Variants in PCDHGC3 observed in about 807,000 individuals in gnomAD.
PCDHGC3 encodes protocadherin gamma-C3.
In PCDHGC3, 26 loss-of-function variants were observed where a neutral mutation model predicts 59.2. That is an observed-to-expected ratio of 0.44 (90% CI 0.32 to 0.61). The LOEUF (loss-of-function observed/expected upper bound fraction) is 0.61, where lower values mean the gene tolerates loss of function less well. Ranked by LOEUF, PCDHGC3 falls within the 20% of genes least tolerant of loss-of-function variation. The pLI, the probability that PCDHGC3 is intolerant of heterozygous loss-of-function variation, is 0.05. For synonymous variants in PCDHGC3, 487 were observed against 519.7 expected (o/e 0.94, Z 0.86); for missense variants, 1,080 against 1,221.8 (o/e 0.88, Z 1.73).
At chr5:141,498,973 GA>G (rs1161965842) in intron 2 of PCDHGC3, among the ~76,000 whole-genome samples, 8 of 11,660 alleles carry the variant, frequency 6.9e-4, no homozygotes, top group Admixed American at 4.8e-3. Flanking sequence ...GGGAGGGAGG[GA>G]AGGAAGGAAG....
rs1308930168 is a variant in PCDHGC3, at chr5:141,489,620, A to G, written c.2431-5187A>G. 2.5e-6 allele frequency: 4 copies of G among 1,614,058 alleles called. No individual in the cohort carries two copies. Among genetic ancestry groups the G allele is most frequent in the South Asian group, 2.2e-5 (2 of 91,072 alleles). The stretch of plus-strand genomic sequence containing the variant: ...GTAGAGGTAGAGATCCTGGATCTCA[A>G]TGACAACTCTCCTAGCTTTGCCACC... On this transcript the variant is annotated intron_variant, in intron 1 of 3. Transcript: ENST00000308177. This position sits in a 1 kb window ranked among gnomAD's most constrained non-coding sequence, Gnocchi z 4.5.
Position 141,489,992 on chromosome 5 carries a change from TC to T in PCDHGC3, c.2431-4812del. The T allele has an allele frequency of 6.2e-7, 1 of 1,614,216 alleles. No individual in the cohort carries two copies. The highest frequency in any genetic ancestry group is 8.5e-7 in the Non-Finnish European group (1 of 1,180,016). On this transcript the variant is annotated intron_variant, in intron 1 of 3. Coordinates refer to ENST00000308177, the MANE Select transcript of PCDHGC3 (RefSeq NM_002588.4). The surrounding 1 kb of genome is among the most constrained non-coding windows in gnomAD (Gnocchi z 4.5). The stretch of plus-strand genomic sequence containing the variant: ...CAATCCTCAGTTCTACGTGTGGGAA[TC>T]CCAGAGAATGCACCCATTGGTACTC...
At chr5:141,502,724 C>T (rs1288841230) in intron 2 of PCDHGC3, among the ~76,000 whole-genome samples, 2 of 152,134 alleles carry the variant, frequency 1.3e-5, no homozygotes, top group African/African-American at 4.8e-5. Context: ...GATTACAAAG[C>T]GGTGATGTTC....
chr5:141,480,112 C>T (rs531082602), intron 1 of PCDHGC3, among the ~76,000 whole-genome samples: 2 of 152,190 alleles, frequency 1.3e-5, no homozygotes, highest in Admixed American at 1.3e-4. Flanking sequence ...TAGCATGGTG[C>T]CTGGCATATC....
intron 3 of PCDHGC3, among the ~76,000 whole-genome samples, chr5:141,508,649 C>T (rs1303066200): frequency 6.6e-6 from 1 of 152,126 alleles, no homozygotes; most frequent in Non-Finnish European, 1.5e-5. Flanking sequence ...CCGTCAGGCC[C>T]TTCCTGTCAT....
rs1369501221 is a variant in PCDHGC3 at position 141,493,257 on chromosome 5, A to G, written c.2431-1550A>G. On this transcript the variant is annotated intron_variant, in intron 1 of 3. Coordinates refer to ENST00000308177, the MANE Select transcript of PCDHGC3 (RefSeq NM_002588.4). The surrounding 1 kb of genome is among the most constrained non-coding windows in gnomAD (Gnocchi z 4.3). ...GGCTAGGTACTAACATGCCTCTCTT[A>G]TAACAGCTTCACAGAGGTCAAGTGA... Among the ~76,000 whole-genome samples the G allele has an allele frequency of 6.6e-6, 1 of 152,190 alleles. No individual in the cohort carries two copies. Among genetic ancestry groups the G allele is most frequent in the South Asian group, 2.1e-4 (1 of 4,830 alleles).
intron 1 of PCDHGC3, among the ~76,000 whole-genome samples, chr5:141,481,695 T>A (rs2099542216): frequency 1.3e-5 from 2 of 152,122 alleles, no homozygotes; most frequent in Non-Finnish European, 2.9e-5. Context: ...GGCTCACGCC[T>A]GTAATCCCAG....
chr5:141,489,040 C>G lies in PCDHGC3; in HGVS notation c.2431-5767C>G. On this transcript the variant is annotated intron_variant, in intron 1 of 3. Coordinates refer to ENST00000308177, the MANE Select transcript of PCDHGC3 (RefSeq NM_002588.4). This position sits in a 1 kb window ranked among gnomAD's most constrained non-coding sequence, Gnocchi z 4.5. ...CCTCTCCTCCTCCAGCTCCCCAGCT[C>G]CACTCAAATTCAGCTCCCCTCCCCC... 1 of 479,752 alleles carries G rather than the reference C, an allele frequency of 2.1e-6. No homozygotes were observed. The highest frequency in any genetic ancestry group is 3.6e-6 in the Non-Finnish European group (1 of 274,204). 29.7% of individuals were successfully genotyped at this position (479,752 alleles called of 1,614,324 possible). A position where few individuals can be genotyped will look rare whatever the true frequency, so the allele number is the denominator to read the frequency against.
chr5:141,508,507 TGGTCCAGCCCAACCTCAG>T (rs1377043623), intron 3 of PCDHGC3, among the ~76,000 whole-genome samples: 1 of 152,178 alleles, frequency 6.6e-6, no homozygotes, highest in Non-Finnish European at 1.5e-5. Flanking sequence ...CTCTCCCTCC[TGGTCCAGCCCAACCTCAG>T]GGCACCCCCC....
At chr5:141,506,962 G>A (rs2099857578) in intron 3 of PCDHGC3, 1 of 152,196 alleles carries the variant, frequency 6.6e-6, no homozygotes, top group Non-Finnish European at 1.5e-5. Context: ...CCTCTCAATA[G>A]CTCTGCAAGG....
chr5:141,486,688 C>G lies in PCDHGC3; in HGVS notation c.2431-8119C>G, dbSNP rs748605515. On this transcript the variant is annotated intron_variant, in intron 1 of 3. Coordinates refer to ENST00000308177, the MANE Select transcript of PCDHGC3 (RefSeq NM_002588.4). This position sits in a 1 kb window ranked among gnomAD's most constrained non-coding sequence, Gnocchi z 5.0. ...CCAGGAATCGAGATGTATCAGCTTCCTCTTTCATCTCTCTGAACCCCCAGA... is the reference window on the plus strand; with the variant it reads ...CCAGGAATCGAGATGTATCAGCTTCGTCTTTCATCTCTCTGAACCCCCAGA... The G allele has an allele frequency of 1.2e-6, 2 of 1,614,170 alleles. No homozygotes were observed. The highest frequency in any genetic ancestry group is 8.5e-7 in the Non-Finnish European group (1 of 1,180,044).
At position 141,486,622 on chromosome 5, in the gene PCDHGC3, C is replaced by T. The variant is rs1320329216; in HGVS notation, c.2430+8076C>T. On this transcript the variant is annotated intron_variant, in intron 1 of 3. Coordinates refer to ENST00000308177, the MANE Select transcript of PCDHGC3 (RefSeq NM_002588.4). The surrounding 1 kb of genome is among the most constrained non-coding windows in gnomAD (Gnocchi z 5.0). ...GCTCCCTTGCAGCCTCTGACCCAGACTCTGGCTTGAATGCGCTTATCTCCT... is the reference window on the plus strand; with the variant it reads ...GCTCCCTTGCAGCCTCTGACCCAGATTCTGGCTTGAATGCGCTTATCTCCT... 6.2e-7 allele frequency: 1 copy of T among 1,613,574 alleles called. No individual in the cohort carries two copies. The highest frequency in any genetic ancestry group is 8.5e-7 in the Non-Finnish European group (1 of 1,180,042).
Position 141,476,374 on chromosome 5 carries a change from G to A in PCDHGC3, c.258G>A (p.Met86Ile). 1.2e-6 allele frequency: 2 copies of A among 1,614,178 alleles called. No individual in the cohort carries two copies. Among genetic ancestry groups the A allele is most frequent in the Non-Finnish European group, 1.7e-6 (2 of 1,180,044 alleles). The change falls in exon 1 of 4, where the codon ATG becomes ATA. Residue 86 changes from methionine (M) to isoleucine (I), a missense_variant. Met to Ile is a conservative substitution (Grantham distance 10, BLOSUM62 1). Transcript: ENST00000308177. This position sits in a 1 kb window ranked among gnomAD's most constrained non-coding sequence, Gnocchi z 7.6. ...AGGTGAACCGGGAGACCGGAGAGATGTTTGTGAACGACCGTCTGGATCGAG... is the reference window on the plus strand; with the variant it reads ...AGGTGAACCGGGAGACCGGAGAGATATTTGTGAACGACCGTCTGGATCGAG... ...FFEVNRETGEMFVNDRLDREE... is the reference protein window; with the variant it reads ...FFEVNRETGEIFVNDRLDREE...
In PCDHGC3 at chr5:141,489,594, TGTAGAG is replaced by T. The variant is rs1298302866; in HGVS notation, c.2431-5206_2431-5201del. 1 of 1,613,958 alleles carries T rather than the reference TGTAGAG, an allele frequency of 6.2e-7. No homozygotes were observed. The highest frequency in any genetic ancestry group is 1.3e-5 in the African/African-American group (1 of 74,906). ...CTGAACACCCCCTGGAGCTAATCCG[TGTAGAG>T]GTAGAGATCCTGGATCTCAATGACA... On this transcript the variant is annotated intron_variant, in intron 1 of 3. Coordinates refer to ENST00000308177, the MANE Select transcript of PCDHGC3 (RefSeq NM_002588.4). The surrounding 1 kb of genome is among the most constrained non-coding windows in gnomAD (Gnocchi z 4.5).
Position 141,476,437 on chromosome 5 carries a change from TCTGGAGTTGGTAGTGGAGAACCC to T in PCDHGC3, c.322_344del (p.Leu108AlafsTer30). ...GGACACTGCCCTCTTGCACTGTAAC[TCTGGAGTTGGTAGTGGAGAACCC>T]GCTGGAGCTGTTCAGCGTGGAAGTG... On this transcript the variant is annotated frameshift_variant, in exon 1 of 4. Transcript: ENST00000308177. LOFTEE classifies it high-confidence loss of function. The surrounding 1 kb of genome is among the most constrained non-coding windows in gnomAD (Gnocchi z 7.6). 1 of 1,614,004 alleles carries T rather than the reference TCTGGAGTTGGTAGTGGAGAACCC, an allele frequency of 6.2e-7. No individual in the cohort carries two copies. The highest frequency in any genetic ancestry group is 2.2e-5 in the East Asian group (1 of 44,836).
chr5:141,483,501 G>T (rs1022338958), intron 1 of PCDHGC3, among the ~76,000 whole-genome samples: 1 of 150,394 alleles, frequency 6.6e-6, no homozygotes, highest in Non-Finnish European at 1.5e-5. Flanking sequence ...ATGAGTCAAG[G>T]CTGATCCCCC....
rs759809060 is a variant in PCDHGC3, at chr5:141,476,317, G to A, written c.201G>A (p.Arg67=). 1.2e-6 allele frequency: 2 copies of A among 1,614,170 alleles called. No individual in the cohort carries two copies. Among genetic ancestry groups the A allele is most frequent in the South Asian group, 2.2e-5 (2 of 91,078 alleles). The change falls in exon 1 of 4, where the codon CGG becomes CGA. Residue 67 remains arginine, a synonymous_variant. Coordinates refer to ENST00000308177, the MANE Select transcript of PCDHGC3 (RefSeq NM_002588.4). This position sits in a 1 kb window ranked among gnomAD's most constrained non-coding sequence, Gnocchi z 7.6. Reference sequence around the variant, plus strand: ...GTAGCCTCTCAGCCCGCAGGTTCCGGGTGGTGTCTGGAGCTAGCCGAAGAT... The same window carrying A: ...GTAGCCTCTCAGCCCGCAGGTTCCGAGTGGTGTCTGGAGCTAGCCGAAGAT... ...DLGSLSARRF[R]VVSGASRRFF... is the part of the protein sequence containing the mutation.
At chr5:141,506,191 C>T (rs932500250) in intron 3 of PCDHGC3, among the ~76,000 whole-genome samples, 8 of 152,182 alleles carry the variant, frequency 5.3e-5, no homozygotes, top group African/African-American at 1.9e-4. Flanking sequence ...TGGCTCACGC[C>T]TGTAATCCCA....
chr5:141,494,449 G>A (rs185095384), intron 1 of PCDHGC3, among the ~76,000 whole-genome samples: 2 of 152,254 alleles, frequency 1.3e-5, no homozygotes, highest in East Asian at 3.9e-4. Flanking sequence ...CACTTTAGGG[G>A]GCTTTGTCTG....
Sources: allele counts gnomAD v4.1 joint callset (sites outside exome capture counted in the v4.1 genomes callset), GRCh38; gene constraint gnomAD v4.1.1; non-coding constraint Gnocchi (gnomAD v3.1); transcripts MANE v1.5; gene names NCBI Gene and HGNC (gene_info 2026-07-23, HGNC 2026-07-21).